Variants in ANKDD1B observed in about 807,000 individuals in gnomAD.
ANKDD1B encodes the protein ankyrin repeat and death domain-containing protein 1B.
Under a neutral mutation model 59.7 loss-of-function variants are expected in ANKDD1B, and 57 were observed. That is an observed-to-expected ratio of 0.95 (90% CI 0.77 to 1.19). ANKDD1B has a LOEUF of 1.19. Ranked by LOEUF, ANKDD1B falls within the 50% of genes most tolerant of loss-of-function variation. The pLI, the probability that ANKDD1B is intolerant of heterozygous loss-of-function variation, is 0.00. For synonymous variants in ANKDD1B, 216 were observed against 239.5 expected (o/e 0.90, Z 0.91); for missense variants, 602 against 641.9 (o/e 0.94, Z 0.67).
chr5:75,615,313 C>T (rs1212184098), intron 1 of ANKDD1B, among the ~76,000 whole-genome samples: 1 of 152,034 alleles, frequency 6.6e-6, no homozygotes, highest in East Asian at 1.9e-4. Flanking sequence ...TGGCTAAGGT[C>T]AGATCTGGGG....
Position 75,662,066 on chromosome 5 carries a change from C to T in ANKDD1B, c.1096-1328C>T, listed in dbSNP as rs187487355. ...AGGTGTCAAAAAGCTCTCAGAGAAC[C>T]TTCTATCCACGCTACCTCCCAACCC... On this transcript the variant is annotated intron_variant, in intron 10 of 13. Transcript: ENST00000601380. Among the ~76,000 whole-genome samples the T allele has an allele frequency of 1.3e-3, 192 of 152,172 alleles. 1 individual carries two copies. The highest frequency in any genetic ancestry group is 2.9e-5 in the Non-Finnish European group (2 of 68,010).
chr5:75,633,442 T>C (rs901113339), intron 5 of ANKDD1B, among the ~76,000 whole-genome samples: 17 of 152,160 alleles, frequency 1.1e-4, no homozygotes, highest in Non-Finnish European at 2.5e-4. Flanking sequence ...CCTTTTTTTC[T>C]CCAGTTATTG....
intron 7 of ANKDD1B, 101 bp from the exon 8 acceptor site, chr5:75,653,041 T>C (rs1774870231): frequency 1.3e-6 from 1 of 789,486 alleles, no homozygotes; most frequent in Admixed American, 2.0e-5. Flanking sequence ...ACTGTAGTTG[T>C]ACTATTTCAT....
chr5:75,640,139 G>A (rs982619921), intron 7 of ANKDD1B, among the ~76,000 whole-genome samples: 2 of 151,892 alleles, frequency 1.3e-5, no homozygotes, highest in African/African-American at 4.8e-5. Flanking sequence ...AACATCCTGG[G>A]CTCAGGTGAT....
At chr5:75,635,145 ACTAT>A in intron 6 of ANKDD1B, 149 bp downstream of exon 6, 1 of 584,462 alleles carries the variant, frequency 1.7e-6, no homozygotes, top group Admixed American at 3.0e-5. Flanking sequence ...AGAATCATGA[ACTAT>A]CCAGGCAAAA....
intron 2 of ANKDD1B, among the ~76,000 whole-genome samples, 197 bp from the exon 3 acceptor site, chr5:75,620,118 C>A (rs576752183): frequency 6.6e-6 from 1 of 152,296 alleles, no homozygotes; most frequent in South Asian, 2.1e-4. Flanking sequence ...CTGCCAAATT[C>A]TCTGATGTTA....
At position 75,618,333 on chromosome 5, in the gene ANKDD1B, C is replaced by A. The variant is rs538103919; in HGVS notation, c.297+1426C>A. 9.1e-4 allele frequency among the ~76,000 whole-genome samples: 138 copies of A among 152,250 alleles called. 1 individual carries two copies. The highest frequency in any genetic ancestry group is 3.1e-3 in the African/African-American group (127 of 41,542). On this transcript the variant is annotated intron_variant, in intron 2 of 13. Coordinates refer to ENST00000601380, the MANE Select transcript of ANKDD1B (RefSeq NM_001276713.2). ...TTTTCCAAGTAGCAGGAAATAGATT[C>A]TCTAGTATACTATTCAAAACATTTA...
intron 11 of ANKDD1B, among the ~76,000 whole-genome samples, chr5:75,664,666 C>G (rs1163148659): frequency 6.6e-6 from 1 of 151,984 alleles, no homozygotes; most frequent in African/African-American, 2.4e-5. Flanking sequence ...ATTTTTAATT[C>G]CTGATAGCTC....
intron 7 of ANKDD1B, among the ~76,000 whole-genome samples, chr5:75,641,288 C>T (rs542907223): frequency 6.6e-6 from 1 of 152,326 alleles, no homozygotes; most frequent in African/African-American, 2.4e-5. Flanking sequence ...TAATGTCTGA[C>T]ACCAGTGCCT....
chr5:75,652,184 A>G lies in ANKDD1B; in HGVS notation c.799-958A>G, dbSNP rs1337575556. 2.6e-5 allele frequency among the ~76,000 whole-genome samples: 4 copies of G among 152,208 alleles called. No homozygotes were observed. In the East Asian group the frequency reaches 7.7e-4, roughly 29 times the overall value. On this transcript the variant is annotated intron_variant, in intron 7 of 13. Transcript: ENST00000601380. ...GCAAATACTTTGTAGCAGTCTTACA[A>G]TTAATCAGTCAACAACGAATTACCT...
intron 7 of ANKDD1B, among the ~76,000 whole-genome samples, chr5:75,640,436 T>C (rs1294707777): frequency 6.6e-6 from 1 of 152,222 alleles, no homozygotes; most frequent in Non-Finnish European, 1.5e-5. Flanking sequence ...GATTTAACTG[T>C]GCCAAAGCAT....
At chr5:75,655,063 G>A (rs180800778) in intron 8 of ANKDD1B, among the ~76,000 whole-genome samples, 26 of 152,090 alleles carry the variant, frequency 1.7e-4, no homozygotes, top group African/African-American at 6.0e-4. Context: ...CTCAGCTGCC[G>A]TCTCTACTCC....
intron 5 of ANKDD1B, among the ~76,000 whole-genome samples, chr5:75,634,395 T>C (rs1774243288): frequency 6.6e-6 from 1 of 152,204 alleles, no homozygotes; most frequent in East Asian, 1.9e-4. Context: ...TAGATAAATC[T>C]ATGAAGAAGA....
chr5:75,638,920 C>A (rs1405207703), intron 7 of ANKDD1B, among the ~76,000 whole-genome samples: 2 of 152,144 alleles, frequency 1.3e-5, no homozygotes, highest in Non-Finnish European at 2.9e-5. Flanking sequence ...TATTTAGTTT[C>A]AATTTTTGTT....
chr5:75,638,937 A>G (rs971343785), intron 7 of ANKDD1B, among the ~76,000 whole-genome samples: 1 of 152,204 alleles, frequency 6.6e-6, no homozygotes, highest in African/African-American at 2.4e-5. Flanking sequence ...TGTTTATTAT[A>G]GGTAGTGCTG....
chr5:75,615,026 G>C (rs1773677025), intron 1 of ANKDD1B, among the ~76,000 whole-genome samples: 1 of 152,150 alleles, frequency 6.6e-6, no homozygotes, highest in Non-Finnish European at 1.5e-5. Context: ...CTTAGTGTCA[G>C]GTATTTTGTT....
At chr5:75,621,352 G>A (rs1337926218) in intron 3 of ANKDD1B, among the ~76,000 whole-genome samples, 1 of 152,136 alleles carries the variant, frequency 6.6e-6, no homozygotes, top group Admixed American at 6.5e-5. Flanking sequence ...AGGTATGGAA[G>A]GAAAAGAAAA....
At position 75,663,481 on chromosome 5, in the gene ANKDD1B, T is replaced by C. The variant is rs1775215928; in HGVS notation, c.1183T>C (p.Trp395Arg). 2 of 1,536,268 alleles carry C rather than the reference T, an allele frequency of 1.3e-6. No individual in the cohort carries two copies. Among genetic ancestry groups the C allele is most frequent in the Non-Finnish European group, 8.7e-7 (1 of 1,146,856 alleles). The change falls in exon 11 of 14, where the codon TGG (tryptophan) becomes CGG (arginine). Residue 395 changes from tryptophan to arginine, a missense_variant. Physicochemically the swap from Trp to Arg is moderately radical, Grantham distance 101. Transcript: ENST00000601380. Reference protein sequence around the residue: ...MLIKAERYYAWREEHHESIRD... With the variant: ...MLIKAERYYARREEHHESIRD... ...CATTAAAGCAGAGAGATACTACGCC[T>C]GGAGAGAGGTAAGGAAGGACGATCC...
intron 11 of ANKDD1B, among the ~76,000 whole-genome samples, chr5:75,666,217 C>T (rs1182931155): frequency 6.6e-6 from 1 of 152,136 alleles, no homozygotes; most frequent in Non-Finnish European, 1.5e-5. Flanking sequence ...CTGAGCCTGG[C>T]TATAGTGACT....
Sources: gnomAD v4.1 joint callset for allele counts (sites outside exome capture counted in the v4.1 genomes callset) on GRCh38, gnomAD v4.1.1 for gene constraint, MANE v1.5 for transcripts, NCBI Gene and HGNC (gene_info 2026-07-23, HGNC 2026-07-21) for gene names.